Variants in SLC24A2 observed in about 807,000 individuals in gnomAD.
SLC24A2 encodes sodium/potassium/calcium exchanger 2.
Under a neutral mutation model 62.0 loss-of-function variants are expected in SLC24A2, and 36 were observed. The observed-to-expected ratio is 0.58, with a 90% CI of 0.44 to 0.77. SLC24A2 has a LOEUF of 0.77. Ranked by LOEUF, SLC24A2 falls within the 30% of genes least tolerant of loss-of-function variation. The pLI, the probability that SLC24A2 is intolerant of heterozygous loss-of-function variation, is 0.00. For synonymous variants in SLC24A2, 358 were observed against 294.0 expected (o/e 1.22, Z -2.23); for missense variants, 846 against 817.9 (o/e 1.03, Z -0.42).
chr9:19,738,697 T>G (rs1378323341), intron 2 of SLC24A2, among the ~76,000 whole-genome samples: 1 of 152,220 alleles, frequency 6.6e-6, no homozygotes, highest in Non-Finnish European at 1.5e-5. Flanking sequence ...ACCATTGATG[T>G]ACAATTAGGT....
chr9:20,190,856 C>A, the SLC24A2 span, among the ~76,000 whole-genome samples: 1 of 152,152 alleles, frequency 6.6e-6, no homozygotes, highest in Non-Finnish European at 1.5e-5. Context: ...AAAATGGTAC[C>A]TATTCACAGG....
intron 4 of SLC24A2, among the ~76,000 whole-genome samples, chr9:19,609,945 A>G (rs1439726476): frequency 2.0e-5 from 3 of 152,174 alleles, no homozygotes; most frequent in African/African-American, 7.2e-5. Context: ...ATCTGACAGG[A>G]GGTGGAGCTC....
At chr9:19,920,484 G>C in the SLC24A2 span, among the ~76,000 whole-genome samples, 1 of 152,168 alleles carries the variant, frequency 6.6e-6, no homozygotes, top group Admixed American at 6.5e-5. Flanking sequence ...GAGATCCCAG[G>C]AAGTACTGCC....
chr9:19,771,483 G>C (rs1822686348), intron 2 of SLC24A2, among the ~76,000 whole-genome samples: 1 of 152,200 alleles, frequency 6.6e-6, no homozygotes, highest in Non-Finnish European at 1.5e-5. Context: ...TAGTAGATTT[G>C]TAATGGCCCT....
chr9:19,844,819 T>C, the SLC24A2 span, among the ~76,000 whole-genome samples: 1 of 152,194 alleles, frequency 6.6e-6, no homozygotes, highest in Non-Finnish European at 1.5e-5. Context: ...GAAGATCAGA[T>C]GGCTGTAGGT....
the SLC24A2 span, among the ~76,000 whole-genome samples, chr9:19,982,012 C>G: frequency 2.6e-5 from 4 of 152,190 alleles, no homozygotes; most frequent in East Asian, 5.8e-4. Flanking sequence ...CTATTATGCT[C>G]TCCAAACCAG....
At chr9:19,545,235 G>T (rs1037472816) in intron 8 of SLC24A2, among the ~76,000 whole-genome samples, 3 of 151,706 alleles carry the variant, frequency 2.0e-5, no homozygotes, top group African/African-American at 7.3e-5. Context: ...TTATAGTTGT[G>T]TATGCTTCAC....
intron 2 of SLC24A2, among the ~76,000 whole-genome samples, chr9:19,721,617 T>C (rs1181262631): frequency 6.6e-6 from 1 of 152,126 alleles, no homozygotes; most frequent in East Asian, 1.9e-4. Context: ...CTTAAAAGCA[T>C]TAAAATAGGA....
chr9:19,762,428 T>A (rs1192474245), intron 2 of SLC24A2, among the ~76,000 whole-genome samples: 1 of 152,234 alleles, frequency 6.6e-6, no homozygotes, highest in African/African-American at 2.4e-5. Flanking sequence ...CTTCTAGGGT[T>A]TTTATGGTTT....
At chr9:19,711,383 T>C (rs1253951502) in intron 2 of SLC24A2, among the ~76,000 whole-genome samples, 2 of 152,146 alleles carry the variant, frequency 1.3e-5, no homozygotes, top group African/African-American at 4.8e-5. Context: ...CTCTTTGGGG[T>C]CCTCAATAAT....
chr9:19,733,598 T>C (rs147601054), intron 2 of SLC24A2, among the ~76,000 whole-genome samples: 218 of 152,322 alleles, frequency 1.4e-3, no homozygotes, highest in African/African-American at 5.0e-3. Flanking sequence ...TGAAAAATCA[T>C]GAATAGAGGA....
the SLC24A2 span, among the ~76,000 whole-genome samples, chr9:20,076,608 G>C: frequency 6.6e-6 from 1 of 152,156 alleles, no homozygotes; most frequent in African/African-American, 2.4e-5. Flanking sequence ...AGAACACTGA[G>C]AAAATAAATG....
the SLC24A2 span, among the ~76,000 whole-genome samples, chr9:20,248,482 G>A: frequency 6.6e-6 from 1 of 152,154 alleles, no homozygotes; most frequent in Non-Finnish European, 1.5e-5. Flanking sequence ...CTGGTTTTTA[G>A]ATGCCCATCT....
the SLC24A2 span, among the ~76,000 whole-genome samples, chr9:19,871,963 C>A: frequency 6.6e-5 from 10 of 151,674 alleles, no homozygotes; most frequent in African/African-American, 2.4e-4. Flanking sequence ...TTGTGGTCTT[C>A]TTTGGTTTGG....
chr9:19,895,150 C>A, the SLC24A2 span, among the ~76,000 whole-genome samples: 2 of 152,144 alleles, frequency 1.3e-5, no homozygotes, highest in Non-Finnish European at 2.9e-5. Context: ...AAACAACCAG[C>A]ACTAAATGAC....
chr9:19,856,354 A>C, the SLC24A2 span, among the ~76,000 whole-genome samples: 2 of 152,160 alleles, frequency 1.3e-5, no homozygotes, highest in Non-Finnish European at 2.9e-5. Flanking sequence ...CATTTGGAGA[A>C]GAAGAGGCAC....
chr9:20,106,800 G>A, the SLC24A2 span, among the ~76,000 whole-genome samples: 1 of 152,112 alleles, frequency 6.6e-6, no homozygotes, highest in Non-Finnish European at 1.5e-5. Context: ...AGACAGGGAT[G>A]CCCTCTCTCA....
chr9:19,760,041 T>C (rs1477049713), intron 2 of SLC24A2, among the ~76,000 whole-genome samples: 1 of 152,210 alleles, frequency 6.6e-6, no homozygotes, highest in Non-Finnish European at 1.5e-5. Flanking sequence ...CACAGATGAT[T>C]TTCAATATTC....
At chr9:20,053,778 C>T in the SLC24A2 span, among the ~76,000 whole-genome samples, 1 of 152,202 alleles carries the variant, frequency 6.6e-6, no homozygotes, top group Non-Finnish European at 1.5e-5. Flanking sequence ...TTGGACTTTC[C>T]AGCCTCTAGA....
Sources: gnomAD v4.1 joint callset for allele counts (sites outside exome capture counted in the v4.1 genomes callset) on GRCh38, gnomAD v4.1.1 for gene constraint, MANE v1.5 for transcripts, NCBI Gene and HGNC (gene_info 2026-07-23, HGNC 2026-07-21) for gene names.